TBC1D12: variants seen among roughly 807,000 people sequenced by gnomAD.
TBC1D12 encodes TBC1 domain family member 12.
TBC1D12 carries 56 observed loss-of-function variants against 86.7 expected under a neutral mutation model. That is an observed-to-expected ratio of 0.65 (90% CI 0.52 to 0.81). The LOEUF is 0.81. TBC1D12 is among the 30% of genes least tolerant of loss of function. TBC1D12 has a pLI of 0.00. For synonymous variants in TBC1D12, 421 were observed against 411.7 expected (o/e 1.02, Z -0.27); for missense variants, 1,023 against 1,038.8 (o/e 0.98, Z 0.21).
chr10:94,494,701 G>C (rs558604046), intron 4 of TBC1D12, among the ~76,000 whole-genome samples: 4 of 151,382 alleles, frequency 2.6e-5, no homozygotes, highest in African/African-American at 9.7e-5. Flanking sequence ...GCACCACCAC[G>C]CCCAGTTAAT....
At chr10:94,459,680 C>T (rs747753482) in intron 2 of TBC1D12, among the ~76,000 whole-genome samples, 1 of 152,178 alleles carries the variant, frequency 6.6e-6, no homozygotes, top group South Asian at 2.1e-4. Flanking sequence ...AATTTGAGTG[C>T]GGCACGGGCA....
At chr10:94,460,649 T>G (rs1022360979) in intron 2 of TBC1D12, among the ~76,000 whole-genome samples, 5 of 151,984 alleles carry the variant, frequency 3.3e-5, no homozygotes, top group Admixed American at 6.5e-5. Flanking sequence ...GACATTAATT[T>G]GGGGGAAATT....
rs141183066 is a variant in TBC1D12, at chr10:94,486,874, A to C, written c.1212-6491A>C. On this transcript the variant is annotated intron_variant, in intron 3 of 12. Transcript: ENST00000225235. ...TCCAATGTTTCTTTGTTGATTTTCT[A>C]TCTGGAAGATATGCTGAGTGCTGAG... Among the ~76,000 whole-genome samples the C allele has an allele frequency of 3.0e-3, 455 of 152,262 alleles. 4 individuals are homozygous for C. The highest frequency in any genetic ancestry group is 0.01 in the African/African-American group (429 of 41,570).
At chr10:94,513,447 A>G (rs542772244) in intron 9 of TBC1D12, among the ~76,000 whole-genome samples, 70 of 152,338 alleles carry the variant, frequency 4.6e-4, no homozygotes, top group Non-Finnish European at 6.6e-4. Flanking sequence ...TGGAGTTTAA[A>G]TACTGTAATA....
At chr10:94,488,024 T>C (rs1461975175) in intron 3 of TBC1D12, among the ~76,000 whole-genome samples, 1 of 152,104 alleles carries the variant, frequency 6.6e-6, no homozygotes. Flanking sequence ...TTATGTCTTA[T>C]TTTACTGCCT....
chr10:94,511,744 G>A, intron 9 of TBC1D12, 90 bp downstream of exon 9: 1 of 886,964 alleles, frequency 1.1e-6, no homozygotes, highest in Non-Finnish European at 1.8e-6. Flanking sequence ...GCTCCCAAAT[G>A]TCTGTATTTC....
chr10:94,497,227 C>A, intron 5 of TBC1D12, 55 bp downstream of exon 5: 20 of 757,274 alleles, frequency 2.6e-5, no homozygotes, highest in Middle Eastern at 3.9e-4. Flanking sequence ...TCTCATGTTT[C>A]TTTTTTTTTT....
intron 2 of TBC1D12, among the ~76,000 whole-genome samples, chr10:94,451,936 G>A (rs1375112638): frequency 6.6e-6 from 1 of 151,806 alleles, no homozygotes; most frequent in African/African-American, 2.4e-5. Flanking sequence ...AAATTATTAA[G>A]TTGTATAAGT....
chr10:94,409,521 A>G (rs2054902444), intron 1 of TBC1D12, among the ~76,000 whole-genome samples: 1 of 151,670 alleles, frequency 6.6e-6, no homozygotes, highest in African/African-American at 2.4e-5. Context: ...ACAGGCATGC[A>G]CCACTACGAC....
rs182321254 is a variant in TBC1D12, at chr10:94,433,915, C to A, written c.972-7981C>A. 5.6e-4 allele frequency among the ~76,000 whole-genome samples: 85 copies of A among 151,880 alleles called. 1 individual carries two copies. The highest frequency in any genetic ancestry group is 3.1e-4 in the Non-Finnish European group (21 of 67,972). On this transcript the variant is annotated intron_variant, in intron 1 of 12. Coordinates refer to ENST00000225235, the MANE Select transcript of TBC1D12 (RefSeq NM_015188.2). ...CATGAGAACTGCCTACCTGTTCTTG[C>A]AGTCTGGTCAGTGATTAGAGTTGAT...
chr10:94,467,442 G>A (rs1203689178), intron 2 of TBC1D12, among the ~76,000 whole-genome samples: 1 of 152,180 alleles, frequency 6.6e-6, no homozygotes, highest in Non-Finnish European at 1.5e-5. Flanking sequence ...CATTTGGTCA[G>A]GCTGGTCTCG....
chr10:94,480,828 G>C (rs1161642691), intron 3 of TBC1D12, among the ~76,000 whole-genome samples: 2 of 150,964 alleles, frequency 1.3e-5, no homozygotes, highest in African/African-American at 4.9e-5. Flanking sequence ...AGTGAGCCAT[G>C]ATCACGCCAC....
chr10:94,403,409 T>C lies in TBC1D12; in HGVS notation c.796T>C (p.Phe266Leu), dbSNP rs956791421. 6 of 1,548,814 alleles carry C rather than the reference T, an allele frequency of 3.9e-6. No individual in the cohort carries two copies. In the African/African-American group the frequency reaches 8.4e-5, roughly 22 times the overall value. The change falls in exon 1 of 13, where the codon TTT (phenylalanine) becomes CTT (leucine). Residue 266 changes from phenylalanine to leucine, a missense_variant. Transcript: ENST00000225235. Reference sequence around the variant, plus strand: ...TGGGGGTGCGGAGCCGCGCCTGGGCTTTTCTGACATTCACTTCAACTCTCG... The same window carrying C: ...TGGGGGTGCGGAGCCGCGCCTGGGCCTTTCTGACATTCACTTCAACTCTCG... ...TNGGAEPRLG[F>L]SDIHFNSRNT...
chr10:94,428,623 G>A (rs550360847), intron 1 of TBC1D12, among the ~76,000 whole-genome samples: 1 of 151,844 alleles, frequency 6.6e-6, no homozygotes, highest in South Asian at 2.1e-4. Context: ...AAATTGTGCA[G>A]ACAATATTTT....
chr10:94,442,086 T>A, intron 2 of TBC1D12, 67 bp downstream of exon 2: 2 of 904,322 alleles, frequency 2.2e-6, no homozygotes, highest in Non-Finnish European at 2.9e-6. Context: ...CTTCTTCTTT[T>A]TTTTTTTTTT....
In TBC1D12 at chr10:94,535,474, G is replaced by A. The variant is rs1320764910; in HGVS notation, c.*2378G>A. ...GTGACTGCCTCTTTAGGAGTATGGG[G>A]CCCTAGGGTGTCCATATATTTTTAC... On this transcript the variant is annotated 3_prime_UTR_variant, in exon 13 of 13. Transcript: ENST00000225235. 6.6e-6 allele frequency: 1 copy of A among 152,060 alleles called. No individual in the cohort carries two copies. The highest frequency in any genetic ancestry group is 2.4e-5 in the African/African-American group (1 of 41,410). The allele number at this position is 152,060 out of a possible 1,614,324, so 9.4% of individuals were successfully genotyped here.
chr10:94,518,297 T>TCC (rs890554330), intron 9 of TBC1D12, among the ~76,000 whole-genome samples: 2 of 151,692 alleles, frequency 1.3e-5, no homozygotes, highest in African/African-American at 4.8e-5. Context: ...CACTGCAACC[T>TCC]CCGCCCTCTG....
chr10:94,414,106 G>A (rs559276328), intron 1 of TBC1D12, among the ~76,000 whole-genome samples: 1 of 152,150 alleles, frequency 6.6e-6, no homozygotes, highest in East Asian at 1.9e-4. Flanking sequence ...ATTTGCTTTT[G>A]AAAAGCAGGA....
intron 2 of TBC1D12, 35 bp downstream of exon 2, chr10:94,442,054 C>CT: frequency 2.6e-6 from 4 of 1,540,056 alleles, no homozygotes; most frequent in Non-Finnish European, 3.5e-6. Flanking sequence ...TTTACCCTAG[C>CT]TTTTCAAGCA....
Sources: allele counts gnomAD v4.1 joint callset (sites outside exome capture counted in the v4.1 genomes callset), GRCh38; gene constraint gnomAD v4.1.1; transcripts MANE v1.5; gene names NCBI Gene and HGNC (gene_info 2026-07-23, HGNC 2026-07-21).